FBXL17: variants seen among roughly 807,000 people sequenced by gnomAD.
FBXL17 encodes F-box/LRR-repeat protein 17.
In FBXL17, 22 loss-of-function variants were observed where a neutral mutation model predicts 66.2. The ratio of observed to expected loss-of-function variants is 0.33; its 90% CI spans 0.24 to 0.47. The LOEUF (loss-of-function observed/expected upper bound fraction) is 0.47, where lower values mean the gene tolerates loss of function less well. FBXL17 is among the 20% of genes least tolerant of loss of function. The pLI is 1.00. For synonymous variants in FBXL17, 474 were observed against 400.5 expected (o/e 1.18, Z -2.19); for missense variants, 878 against 948.2 (o/e 0.93, Z 0.97).
At chr5:108,276,626 C>T (rs193266349) in intron 4 of FBXL17, among the ~76,000 whole-genome samples, 8 of 152,186 alleles carry the variant, frequency 5.3e-5, no homozygotes, top group East Asian at 1.9e-4. Flanking sequence ...GAAAAAAAGA[C>T]GTCTAACAAA....
chr5:108,354,647 T>C (rs910545724), intron 3 of FBXL17, among the ~76,000 whole-genome samples: 3 of 148,440 alleles, frequency 2.0e-5, no homozygotes, highest in African/African-American at 7.5e-5. Flanking sequence ...GAGAATACCA[T>C]GAAGGAAAAC....
At chr5:108,177,892 T>G (rs1451270899) in intron 6 of FBXL17, among the ~76,000 whole-genome samples, 2 of 79,804 alleles carry the variant, frequency 2.5e-5, no homozygotes, top group East Asian at 1.1e-3. Flanking sequence ...GCTATTATCC[T>G]TGCTCCAGAA....
chr5:107,932,789 T>C (rs1236378824), intron 7 of FBXL17, among the ~76,000 whole-genome samples: 2 of 152,166 alleles, frequency 1.3e-5, no homozygotes, highest in African/African-American at 4.8e-5. Flanking sequence ...ATAGACTATC[T>C]CTAAAACAGA....
At chr5:108,320,408 A>G (rs530473334) in intron 4 of FBXL17, among the ~76,000 whole-genome samples, 1 of 151,912 alleles carries the variant, frequency 6.6e-6, no homozygotes, top group South Asian at 2.1e-4. Flanking sequence ...AAGTGATTGT[A>G]ACTTCTCAAG....
chr5:108,224,117 C>T lies in FBXL17; in HGVS notation c.1614+4G>A. On this transcript the variant is annotated splice_donor_region_variant and intron_variant, in intron 5 of 8. Transcript: ENST00000542267. Reference sequence around the variant, plus strand: ...TACCAAGGAAAAGCAGCCATAGTACCTACCTTGGTTAGGTGAATGACTCCT... The same window carrying T: ...TACCAAGGAAAAGCAGCCATAGTACTTACCTTGGTTAGGTGAATGACTCCT... 2.0e-6 allele frequency: 3 copies of T among 1,527,918 alleles called. No individual in the cohort carries two copies. Among genetic ancestry groups the T allele is most frequent in the Non-Finnish European group, 2.7e-6 (3 of 1,105,430 alleles). 94.6% of individuals were successfully genotyped at this position (1,527,918 alleles called of 1,614,324 possible).
chr5:107,987,063 T>C (rs753077284), intron 7 of FBXL17, among the ~76,000 whole-genome samples: 1 of 152,022 alleles, frequency 6.6e-6, no homozygotes, highest in Non-Finnish European at 1.5e-5. Context: ...TTTTGAGCAA[T>C]GGCATTTATG....
intron 7 of FBXL17, among the ~76,000 whole-genome samples, chr5:107,998,895 C>T (rs1480123065): frequency 1.3e-5 from 2 of 152,196 alleles, no homozygotes; most frequent in African/African-American, 4.8e-5. Flanking sequence ...TAAAGCTTGA[C>T]AACACCTTAC....
chr5:108,224,351 T>G, intron 4 of FBXL17, 123 bp from the exon 5 acceptor site: 1 of 474,046 alleles, frequency 2.1e-6, no homozygotes, highest in Non-Finnish European at 3.9e-6. Flanking sequence ...GTTAGATCAT[T>G]TGAATCAGCA....
intron 6 of FBXL17, among the ~76,000 whole-genome samples, chr5:108,021,321 A>G (rs981741925): frequency 6.7e-6 from 1 of 149,380 alleles, no homozygotes; most frequent in Non-Finnish European, 1.5e-5. Context: ...TATAATAATA[A>G]TTTATTATAA....
intron 6 of FBXL17, among the ~76,000 whole-genome samples, chr5:108,127,485 A>C (rs1167041869): frequency 6.6e-6 from 1 of 152,172 alleles, no homozygotes; most frequent in African/African-American, 2.4e-5. Context: ...AATTGGCATA[A>C]GTGACAGGAC....
chr5:107,925,621 T>C (rs555960219), intron 7 of FBXL17, among the ~76,000 whole-genome samples: 3 of 152,290 alleles, frequency 2.0e-5, no homozygotes, highest in East Asian at 3.9e-4. Flanking sequence ...TCTTTTTCCT[T>C]TGGGTAGACA....
chr5:107,973,842 CTA>C (rs1046633766), intron 7 of FBXL17, among the ~76,000 whole-genome samples: 1 of 132,562 alleles, frequency 7.5e-6, no homozygotes, highest in Non-Finnish European at 1.7e-5. Flanking sequence ...TGGGGGTAAT[CTA>C]AAAAAAAAAA....
At chr5:108,035,425 G>T (rs974481467) in intron 6 of FBXL17, among the ~76,000 whole-genome samples, 1 of 152,028 alleles carries the variant, frequency 6.6e-6, no homozygotes, top group Admixed American at 6.6e-5. Flanking sequence ...GGAGTGCAAT[G>T]GCGTGATCCT....
chr5:108,084,322 G>T (rs1282305698), intron 6 of FBXL17, among the ~76,000 whole-genome samples: 2 of 152,220 alleles, frequency 1.3e-5, no homozygotes, highest in African/African-American at 4.8e-5. Flanking sequence ...CTTGCCAAGG[G>T]CTATGTTCTG....
intron 5 of FBXL17, among the ~76,000 whole-genome samples, chr5:108,194,604 T>C (rs1753603968): frequency 6.6e-6 from 1 of 152,188 alleles, no homozygotes; most frequent in African/African-American, 2.4e-5. Flanking sequence ...TAGCCTTTCC[T>C]AGACTGTGCT....
chr5:108,003,767 G>A (rs1753824927), intron 7 of FBXL17, among the ~76,000 whole-genome samples: 1 of 152,096 alleles, frequency 6.6e-6, no homozygotes, highest in Non-Finnish European at 1.5e-5. Flanking sequence ...CAAATCGTAA[G>A]CAGATGTGAA....
At chr5:108,348,583 T>C in intron 3 of FBXL17, 53 bp from the exon 4 acceptor site, 1 of 1,555,122 alleles carries the variant, frequency 6.4e-7, no homozygotes, top group Non-Finnish European at 8.8e-7. Flanking sequence ...AGGCAACATA[T>C]TTCAAGTGAG....
At chr5:107,930,917 A>C (rs1176646805) in intron 7 of FBXL17, among the ~76,000 whole-genome samples, 2 of 152,186 alleles carry the variant, frequency 1.3e-5, no homozygotes, top group Non-Finnish European at 2.9e-5. Context: ...GACATTTTCT[A>C]TTGATTGTTC....
intron 4 of FBXL17, among the ~76,000 whole-genome samples, chr5:108,290,613 A>G (rs1758070980): frequency 6.6e-6 from 1 of 152,182 alleles, no homozygotes; most frequent in Non-Finnish European, 1.5e-5. Context: ...GGGACTTTCT[A>G]TTCAATCACA....
Sources: gnomAD v4.1 joint callset for allele counts (sites outside exome capture counted in the v4.1 genomes callset) on GRCh38, gnomAD v4.1.1 for gene constraint, MANE v1.5 for transcripts, NCBI Gene and HGNC (gene_info 2026-07-23, HGNC 2026-07-21) for gene names.